Variants in TMC1 observed in about 807,000 individuals in gnomAD.
TMC1 encodes the protein transmembrane channel like 1.
Under a neutral mutation model 105.8 loss-of-function variants are expected in TMC1, and 84 were observed. The ratio of observed to expected loss-of-function variants is 0.79; its 90% CI spans 0.67 to 0.95. TMC1 has a LOEUF of 0.95. TMC1 is among the 40% of genes least tolerant of loss of function. The probability of loss-of-function intolerance (pLI) is 0.00; values close to 1 mark genes in which losing one functional copy is unlikely to be tolerated. For missense variants in TMC1, 817 were observed against 914.1 expected (o/e 0.89, Z 1.37); for synonymous variants, 315 against 311.5 (o/e 1.01, Z -0.12).
chr9:72,801,557 T>A (rs1828472694), intron 17 of TMC1, among the ~76,000 whole-genome samples: 1 of 152,246 alleles, frequency 6.6e-6, no homozygotes, highest in South Asian at 2.1e-4. Flanking sequence ...CTGCAATGTC[T>A]ATATTTGGTG....
chr9:72,634,191 C>T (rs989289122), intron 4 of TMC1, among the ~76,000 whole-genome samples: 2 of 151,974 alleles, frequency 1.3e-5, no homozygotes, highest in South Asian at 2.1e-4. Flanking sequence ...GAAGTTTCTG[C>T]GTGGGAGTCA....
intron 1 of TMC1, among the ~76,000 whole-genome samples, chr9:72,568,723 C>A (rs1436566895): frequency 6.6e-6 from 1 of 152,116 alleles, no homozygotes; most frequent in Admixed American, 6.6e-5. Flanking sequence ...GTTCGGCTAG[C>A]CTTCTGATCC....
chr9:72,685,282 A>G (rs984198325), intron 5 of TMC1, among the ~76,000 whole-genome samples: 11 of 146,530 alleles, frequency 7.5e-5, no homozygotes, highest in African/African-American at 2.8e-4. Context: ...AATTTTTTAT[A>G]TTTTTAGTAG....
At chr9:72,694,916 A>G (rs1464987167) in intron 7 of TMC1, among the ~76,000 whole-genome samples, 3 of 152,178 alleles carry the variant, frequency 2.0e-5, no homozygotes, top group Non-Finnish European at 4.4e-5. Flanking sequence ...TTAAAAATGG[A>G]CCATGAGAAA....
chr9:72,704,114 AC>A (rs1826692242), intron 8 of TMC1, among the ~76,000 whole-genome samples: 2 of 152,104 alleles, frequency 1.3e-5, no homozygotes, highest in Admixed American at 6.6e-5. Context: ...CTTTCCCTCT[AC>A]CCTTTATTTC....
intron 12 of TMC1, among the ~76,000 whole-genome samples, chr9:72,757,039 A>T (rs949706902): frequency 2.6e-5 from 4 of 152,228 alleles, no homozygotes; most frequent in African/African-American, 9.6e-5. Flanking sequence ...GGGATACAGA[A>T]ACCAGAGTGT....
chr9:72,655,785 T>A, intron 5 of TMC1: 1 of 589,264 alleles, frequency 1.7e-6, no homozygotes, highest in Middle Eastern at 4.8e-4. Context: ...CTTGTTTCAT[T>A]TTTTTTTAAT....
chr9:72,812,985 A>G (rs1828729364), intron 18 of TMC1, among the ~76,000 whole-genome samples: 1 of 152,190 alleles, frequency 6.6e-6, no homozygotes, highest in African/African-American at 2.4e-5. Flanking sequence ...AAATTAAACA[A>G]CATCATTTCC....
chr9:72,674,608 C>G (rs1444746367), intron 5 of TMC1, among the ~76,000 whole-genome samples: 3 of 152,222 alleles, frequency 2.0e-5, no homozygotes, highest in Non-Finnish European at 4.4e-5. Context: ...GGGCCCATCC[C>G]AGACCTACTG....
chr9:72,806,793 C>T (rs1205789883), intron 18 of TMC1, among the ~76,000 whole-genome samples: 1 of 151,194 alleles, frequency 6.6e-6, no homozygotes, highest in Non-Finnish European at 1.5e-5. Context: ...GGCAGCCAGG[C>T]AGAGGGGCTC....
intron 12 of TMC1, among the ~76,000 whole-genome samples, chr9:72,767,924 G>T (rs1054748411): frequency 6.6e-6 from 1 of 152,218 alleles, no homozygotes; most frequent in African/African-American, 2.4e-5. Flanking sequence ...AGTGTGGCAT[G>T]CCACTGGGTA....
Position 72,836,220 on chromosome 9 carries a change from C to CTTT in TMC1, c.*260_*262dup, listed in dbSNP as rs71495343. On this transcript the variant is annotated 3_prime_UTR_variant, in exon 24 of 24. Coordinates refer to ENST00000297784, the MANE Select transcript of TMC1 (RefSeq NM_138691.3). The stretch of plus-strand genomic sequence containing the variant: ...CTCTCTCCCCTGCTCCATTTCGTGA[C>CTTT]TTTTTTTTTTTTTTTAACAAATTGA... 1.0e-4 allele frequency: 46 copies of CTTT among 440,232 alleles called. No individual in the cohort carries two copies. Among genetic ancestry groups the CTTT allele is most frequent in the Middle Eastern group, 4.9e-4 (1 of 2,042 alleles). 27.3% of individuals were successfully genotyped at this position (440,232 alleles called of 1,614,324 possible).
At chr9:72,798,835 A>G (rs999933522) in intron 17 of TMC1, among the ~76,000 whole-genome samples, 1 of 152,040 alleles carries the variant, frequency 6.6e-6, no homozygotes, top group Admixed American at 6.6e-5. Flanking sequence ...TAAACCTAAA[A>G]TAAAAGTTTT....
At chr9:72,549,949 T>C (rs1823833375) in intron 1 of TMC1, among the ~76,000 whole-genome samples, 3 of 151,680 alleles carry the variant, frequency 2.0e-5, no homozygotes, top group Admixed American at 6.6e-5. Flanking sequence ...GGTTTTACCA[T>C]GTTGGCCAGG....
chr9:72,682,099 T>G (rs1459485484), intron 5 of TMC1, among the ~76,000 whole-genome samples: 1 of 152,188 alleles, frequency 6.6e-6, no homozygotes, highest in African/African-American at 2.4e-5. Flanking sequence ...TCCTTGTAAT[T>G]TTGAAACCAC....
intron 2 of TMC1, among the ~76,000 whole-genome samples, chr9:72,593,782 C>CA (rs1824677498): frequency 1.3e-5 from 2 of 151,980 alleles, no homozygotes; most frequent in South Asian, 4.2e-4. Flanking sequence ...CTAGGCTTCT[C>CA]AAAGACTGAA....
At chr9:72,679,182 G>A (rs1315671562) in intron 5 of TMC1, among the ~76,000 whole-genome samples, 2 of 151,894 alleles carry the variant, frequency 1.3e-5, no homozygotes, top group African/African-American at 2.4e-5. Context: ...TATTTACACC[G>A]ATCTTTTTAT....
intron 22 of TMC1, 24 bp from the exon 23 acceptor site, chr9:72,830,607 T>C (rs1210705029): frequency 6.2e-7 from 1 of 1,612,772 alleles, no homozygotes; most frequent in Non-Finnish European, 8.5e-7. Flanking sequence ...ATCTACTTTT[T>C]TCCCCTTATT....
At chr9:72,797,855 A>C (rs1828399259) in intron 17 of TMC1, among the ~76,000 whole-genome samples, 1 of 152,208 alleles carries the variant, frequency 6.6e-6, no homozygotes, top group East Asian at 1.9e-4. Context: ...AGTGAAAGCA[A>C]AAATTAACAA....
Sources: allele counts gnomAD v4.1 joint callset (sites outside exome capture counted in the v4.1 genomes callset), GRCh38; gene constraint gnomAD v4.1.1; transcripts MANE v1.5; gene names NCBI Gene and HGNC (gene_info 2026-07-23, HGNC 2026-07-21).